The following MBNL1 variants were observed in gnomAD, a reference collection of about 807,000 sequenced individuals.
MBNL1 encodes muscleblind-like protein 1.
MBNL1 carries 8 observed loss-of-function variants against 42.2 expected under a neutral mutation model. The ratio of observed to expected loss-of-function variants is 0.19; its 90% CI spans 0.11 to 0.34. MBNL1 has a LOEUF of 0.34. Ranked by LOEUF, MBNL1 falls within the 10% of genes least tolerant of loss-of-function variation. The pLI is 1.00. For missense variants in MBNL1, 309 were observed against 495.3 expected, an observed-to-expected ratio of 0.62 and a Z score of 3.57; for synonymous variants, 169 against 173.9, an observed-to-expected ratio of 0.97 and a Z score of 0.22.
At chr3:152,354,006 G>A (rs1293476531) in intron 2 of MBNL1, among the ~76,000 whole-genome samples, 2 of 152,080 alleles carry the variant, frequency 1.3e-5, no homozygotes, top group Non-Finnish European at 2.9e-5. Flanking sequence ...TTCATTGAAG[G>A]AGAAAGAAGT....
chr3:152,423,102 G>A (rs974084380), intron 3 of MBNL1, among the ~76,000 whole-genome samples: 17 of 152,084 alleles, frequency 1.1e-4, no homozygotes, highest in African/African-American at 4.1e-4. Context: ...ATCAGAGCAG[G>A]GCTGAAGGAT....
At chr3:152,293,774 C>T (rs2057275366) in intron 1 of MBNL1, among the ~76,000 whole-genome samples, 3 of 152,078 alleles carry the variant, frequency 2.0e-5, no homozygotes, top group Non-Finnish European at 4.4e-5. Flanking sequence ...GACTGATTGC[C>T]TATATTTGCT....
Position 152,341,025 on chromosome 3 carries a change from T to C in MBNL1, c.174+40658T>C, listed in dbSNP as rs565741222. ...ACTGTACGATGCTTATTTTTTAAAA[T>C]GAAAAGATGTTTAACAAAGCATTTT... On this transcript the variant is annotated intron_variant, in intron 2 of 9. Transcript: ENST00000324210. The C allele has an allele frequency of 5.2e-4, 636 of 1,232,316 alleles. 8 individuals carry two copies. The South Asian group carries it at 0.013, about 26-fold the overall frequency. 76.3% of individuals were successfully genotyped at this position (1,232,316 alleles called of 1,614,324 possible).
At chr3:152,445,197 C>A in intron 4 of MBNL1, 85 bp from the exon 5 acceptor site, 1 of 1,177,870 alleles carries the variant, frequency 8.5e-7, no homozygotes, top group Non-Finnish European at 1.2e-6. Flanking sequence ...CCTTCTGTCA[C>A]CAGTCTTGCA....
At chr3:152,354,452 T>C (rs527524368) in intron 2 of MBNL1, among the ~76,000 whole-genome samples, 2 of 152,140 alleles carry the variant, frequency 1.3e-5, no homozygotes, top group African/African-American at 2.4e-5. Flanking sequence ...AAAACCTGCC[T>C]CTTAAAAAAG....
At chr3:152,253,981 T>A (rs140103415) in intron 2 of MBNL1, among the ~76,000 whole-genome samples, 163 of 152,288 alleles carry the variant, frequency 1.1e-3, no homozygotes, top group African/African-American at 3.6e-3. Context: ...GTAAGTTCCA[T>A]GAGGGCAGAA....
intron 2 of MBNL1, among the ~76,000 whole-genome samples, chr3:152,343,115 A>G (rs941268071): frequency 2.0e-5 from 3 of 152,168 alleles, no homozygotes; most frequent in Non-Finnish European, 2.9e-5. Flanking sequence ...ATCAGAGATC[A>G]GGACTGACCC....
chr3:152,300,814 CTTTTTACTCTTTTAA>C (rs1238179650), intron 2 of MBNL1: 2 of 352,490 alleles, frequency 5.7e-6, no homozygotes, highest in Non-Finnish European at 4.0e-6. Context: ...CTTGGATAGA[CTTTTTACTCTTTTAA>C]TATTTTGACA....
At chr3:152,352,215 A>G (rs1399467388) in intron 2 of MBNL1, among the ~76,000 whole-genome samples, 1 of 152,320 alleles carries the variant, frequency 6.6e-6, no homozygotes, top group Non-Finnish European at 1.5e-5. Context: ...TAAGACAGTA[A>G]ATTTAGGATG....
intron 2 of MBNL1, among the ~76,000 whole-genome samples, chr3:152,357,670 A>C (rs765089604): frequency 1.5e-4 from 23 of 152,126 alleles, no homozygotes; most frequent in Non-Finnish European, 2.9e-4. Flanking sequence ...GAGAAATTGA[A>C]TCTCAGATGG....
intron 2 of MBNL1, among the ~76,000 whole-genome samples, chr3:152,346,071 A>G (rs2094187312): frequency 6.6e-6 from 1 of 152,056 alleles, no homozygotes; most frequent in South Asian, 2.1e-4. Flanking sequence ...AAAAAGTACA[A>G]CTGTAAGTCA....
At chr3:152,277,522 T>G (rs2045953963) in intron 1 of MBNL1, among the ~76,000 whole-genome samples, 2 of 152,156 alleles carry the variant, frequency 1.3e-5, no homozygotes, top group South Asian at 4.1e-4. Context: ...TTCCTGGAAC[T>G]AAAAATCCTT....
chr3:152,272,066 TC>T (rs2042261053), intron 1 of MBNL1, among the ~76,000 whole-genome samples: 1 of 151,930 alleles, frequency 6.6e-6, no homozygotes, highest in Non-Finnish European at 1.5e-5. Flanking sequence ...TCTCTCTCTC[TC>T]TCTTTCATGG....
chr3:152,427,988 C>G (rs2098957281), intron 3 of MBNL1, among the ~76,000 whole-genome samples: 1 of 151,144 alleles, frequency 6.6e-6, no homozygotes, highest in Admixed American at 6.6e-5. Context: ...AAATATCAGC[C>G]CCTGTGATAT....
Position 152,248,820 on chromosome 3 carries a change from A to G in MBNL1, n.333+4380A>G, listed in dbSNP as rs1311958232. ...GTGTGATGTTCCCCTTCCTGTGTCC[A>G]TGTGTTCTCATTGTTCAATTCCCAT... On this transcript the variant is annotated intron_variant and non_coding_transcript_variant, in intron 2 of 2. Coordinates refer to the MBNL1 transcript ENST00000477171. Among the ~76,000 whole-genome samples the G allele has an allele frequency of 2.2e-5, 3 of 139,520 alleles. No homozygotes were observed. The South Asian group carries it at 6.7e-4, about 31-fold the overall frequency. The allele number at this position is 139,520 out of a possible 152,430, so 91.5% of individuals were successfully genotyped here.
At chr3:152,420,712 C>T (rs2098790747) in intron 3 of MBNL1, among the ~76,000 whole-genome samples, 1 of 152,224 alleles carries the variant, frequency 6.6e-6, no homozygotes, top group Non-Finnish European at 1.5e-5. Context: ...GCCTCTTCTT[C>T]TCCAAAGGAT....
intron 2 of MBNL1, among the ~76,000 whole-genome samples, chr3:152,376,292 A>G (rs2096896557): frequency 6.6e-6 from 1 of 152,240 alleles, no homozygotes; most frequent in Non-Finnish European, 1.5e-5. Flanking sequence ...TTTTCGGATT[A>G]TACAAGTATT....
intron 2 of MBNL1, among the ~76,000 whole-genome samples, chr3:152,260,745 CTT>C (rs1332930499): frequency 6.6e-6 from 1 of 152,160 alleles, no homozygotes; most frequent in Non-Finnish European, 1.5e-5. Context: ...GATCTTAACT[CTT>C]TGTCTTATCT....
intron 2 of MBNL1, among the ~76,000 whole-genome samples, chr3:152,310,227 T>G (rs1304444882): frequency 1.3e-5 from 2 of 152,208 alleles, no homozygotes; most frequent in African/African-American, 4.8e-5. Flanking sequence ...TTTCTATAAT[T>G]CAGTGAGATA....
Sources: allele counts gnomAD v4.1 joint callset (sites outside exome capture counted in the v4.1 genomes callset), GRCh38; gene constraint gnomAD v4.1.1; transcripts MANE v1.5; gene names NCBI Gene and HGNC (gene_info 2026-07-23, HGNC 2026-07-21).